Variants in RBFOX1 observed in about 807,000 individuals in gnomAD.
The protein encoded by RBFOX1 is RNA binding fox-1 homolog 1, also known as RNA binding protein fox-1 homolog 1.
In RBFOX1, 8 loss-of-function variants were observed where a neutral mutation model predicts 57.7. That is an observed-to-expected ratio of 0.14 (90% CI 0.08 to 0.25). The LOEUF (loss-of-function observed/expected upper bound fraction) is 0.25. Ranked by LOEUF, RBFOX1 falls within the 10% of genes least tolerant of loss-of-function variation. The probability of loss-of-function intolerance (pLI) is 1.00; values close to 1 mark genes in which losing one functional copy is unlikely to be tolerated. For synonymous variants in RBFOX1, 326 were observed against 222.4 expected, an observed-to-expected ratio of 1.47 and a Z score of -4.15; for missense variants, 611 against 548.5, an observed-to-expected ratio of 1.11 and a Z score of -1.14.
intron 2 of RBFOX1, among the ~76,000 whole-genome samples, chr16:5,484,193 A>G (rs919552152): frequency 5.9e-5 from 9 of 152,294 alleles, no homozygotes; most frequent in African/African-American, 2.2e-4. Context: ...GAAAACAAAG[A>G]TGCCAGCCAG....
At chr16:7,660,105 A>G (rs2067326479) in intron 12 of RBFOX1, among the ~76,000 whole-genome samples, 1 of 151,922 alleles carries the variant, frequency 6.6e-6, no homozygotes, top group Non-Finnish European at 1.5e-5. Flanking sequence ...GGTATATATC[A>G]TATTACACGA....
At chr16:6,771,481 C>G (rs2078284963) in intron 3 of RBFOX1, among the ~76,000 whole-genome samples, 1 of 152,120 alleles carries the variant, frequency 6.6e-6, no homozygotes, top group Non-Finnish European at 1.5e-5. Flanking sequence ...GAGAGACTTT[C>G]TGATGCCTAA....
intron 3 of RBFOX1, among the ~76,000 whole-genome samples, chr16:5,683,922 T>C (rs1266631574): frequency 2.0e-5 from 3 of 151,956 alleles, no homozygotes; most frequent in Non-Finnish European, 4.4e-5. Context: ...CAATATGAGC[T>C]TGAGTGCCTT....
At chr16:5,967,660 A>T (rs1379470607) in intron 4 of RBFOX1, among the ~76,000 whole-genome samples, 1 of 152,166 alleles carries the variant, frequency 6.6e-6, no homozygotes, top group Non-Finnish European at 1.5e-5. Flanking sequence ...TAACAAATCT[A>T]TTCTCTGTTT....
intron 1 of RBFOX1, among the ~76,000 whole-genome samples, chr16:6,259,860 C>T (rs989164323): frequency 1.3e-5 from 2 of 150,932 alleles, no homozygotes; most frequent in African/African-American, 4.9e-5. Context: ...ACTCAGGAGG[C>T]TGAGGCAGGA....
At chr16:6,682,330 G>A (rs2058776292) in intron 3 of RBFOX1, among the ~76,000 whole-genome samples, 2 of 152,140 alleles carry the variant, frequency 1.3e-5, no homozygotes, top group South Asian at 4.2e-4. Context: ...GACCACTAGA[G>A]GCGCCCCTTG....
At chr16:6,713,939 C>T (rs2064234993) in intron 3 of RBFOX1, among the ~76,000 whole-genome samples, 1 of 152,166 alleles carries the variant, frequency 6.6e-6, no homozygotes, top group African/African-American at 2.4e-5. Flanking sequence ...AGAAGCAGAC[C>T]TGAGGCAATA....
chr16:6,757,707 G>C (rs1392228893), intron 3 of RBFOX1, among the ~76,000 whole-genome samples: 1 of 152,088 alleles, frequency 6.6e-6, no homozygotes, highest in Non-Finnish European at 1.5e-5. Flanking sequence ...GGTTAGATAG[G>C]AGTGAGTTCT....
chr16:6,985,475 A>C (rs1486125056), intron 3 of RBFOX1, among the ~76,000 whole-genome samples: 2 of 152,186 alleles, frequency 1.3e-5, no homozygotes, highest in Non-Finnish European at 2.9e-5. Flanking sequence ...TAGCTAGTCC[A>C]CATCTCTTAA....
chr16:6,801,261 G>A (rs1212447690), intron 3 of RBFOX1, among the ~76,000 whole-genome samples: 2 of 151,702 alleles, frequency 1.3e-5, no homozygotes, highest in African/African-American at 4.8e-5. Flanking sequence ...TTAAAATGCT[G>A]GGAAGTGTGA....
intron 2 of RBFOX1, among the ~76,000 whole-genome samples, chr16:5,527,416 T>C (rs1326910247): frequency 6.6e-6 from 1 of 152,158 alleles, no homozygotes; most frequent in Non-Finnish European, 1.5e-5. Context: ...AGGATGGCAA[T>C]CTTAGAAGCC....
chr16:7,095,714 A>G (rs1599355912), intron 4 of RBFOX1, among the ~76,000 whole-genome samples: 1 of 152,268 alleles, frequency 6.6e-6, no homozygotes, highest in East Asian at 1.9e-4. Context: ...TTGTTTTTTA[A>G]TTCATTTCCT....
intron 2 of RBFOX1, among the ~76,000 whole-genome samples, chr16:5,572,044 C>T (rs372866270): frequency 2.0e-5 from 3 of 152,084 alleles, no homozygotes; most frequent in African/African-American, 7.2e-5. Context: ...ACACAAGAAG[C>T]CCTCCTGACA....
chr16:5,900,057 G>A (rs1029274949), intron 4 of RBFOX1, among the ~76,000 whole-genome samples: 1 of 152,208 alleles, frequency 6.6e-6, no homozygotes, highest in African/African-American at 2.4e-5. Context: ...CAGCCTTGGT[G>A]ACAGAGCAAG....
At chr16:6,233,934 T>G (rs569095542) in intron 1 of RBFOX1, among the ~76,000 whole-genome samples, 7 of 152,266 alleles carry the variant, frequency 4.6e-5, no homozygotes, top group African/African-American at 1.7e-4. Context: ...AGAACAGAAA[T>G]GTATTTTATC....
intron 3 of RBFOX1, among the ~76,000 whole-genome samples, chr16:6,997,107 G>C (rs542258171): frequency 6.6e-6 from 1 of 152,216 alleles, no homozygotes; most frequent in East Asian, 1.9e-4. Flanking sequence ...TGTGTTGACT[G>C]TGTTTTGCCC....
chr16:7,222,366 T>C (rs1378956140), intron 4 of RBFOX1, among the ~76,000 whole-genome samples: 1 of 152,260 alleles, frequency 6.6e-6, no homozygotes, highest in Non-Finnish European at 1.5e-5. Flanking sequence ...TCAGTTCCAA[T>C]TATGAATACA....
intron 2 of RBFOX1, among the ~76,000 whole-genome samples, chr16:5,539,104 C>G (rs560146202): frequency 6.6e-6 from 1 of 152,296 alleles, no homozygotes; most frequent in Admixed American, 6.5e-5. Context: ...TCTCTTGTGT[C>G]TTTCCGAGGG....
At chr16:7,652,353 C>T (rs972005457) in intron 11 of RBFOX1, among the ~76,000 whole-genome samples, 5 of 152,078 alleles carry the variant, frequency 3.3e-5, no homozygotes, top group South Asian at 2.1e-4. Flanking sequence ...CCTAACTCCT[C>T]CTCACCTCCT....
Sources: allele counts gnomAD v4.1 joint callset (sites outside exome capture counted in the v4.1 genomes callset), GRCh38; gene constraint gnomAD v4.1.1; transcripts MANE v1.5; gene names NCBI Gene and HGNC (gene_info 2026-07-23, HGNC 2026-07-21).